Variants in SLC5A12 observed in about 807,000 individuals in gnomAD.
SLC5A12 encodes the protein solute carrier family 5 member 12, also known as sodium-coupled monocarboxylate transporter 2.
SLC5A12 carries 46 observed loss-of-function variants against 72.7 expected under a neutral mutation model. The observed-to-expected ratio is 0.63, with a 90% confidence interval of 0.50 to 0.81. The LOEUF (loss-of-function observed/expected upper bound fraction) is 0.81, where lower values mean the gene tolerates loss of function less well. Among genes scored for constraint, SLC5A12 ranks in the 30% least tolerant of loss-of-function variants. SLC5A12 has a pLI of 0.00. For missense variants in SLC5A12, 683 were observed against 740.7 expected, an observed-to-expected ratio of 0.92 and a Z score of 0.90; for synonymous variants, 275 against 264.4, an observed-to-expected ratio of 1.04 and a Z score of -0.39.
At chr11:26,714,260 ACATT>A (rs1013902196) in intron 1 of SLC5A12, among the ~76,000 whole-genome samples, 1 of 152,150 alleles carries the variant, frequency 6.6e-6, no homozygotes, top group Non-Finnish European at 1.5e-5. Context: ...TATCATTTAC[ACATT>A]CATTCATTCA....
Position 26,686,428 on chromosome 11 carries a change from G to T in SLC5A12, c.1221+49C>A, listed in dbSNP as rs148212977. On this transcript the variant is annotated intron_variant, in intron 10 of 14. Coordinates refer to ENST00000396005, the MANE Select transcript of SLC5A12 (RefSeq NM_178498.4). ...AAGAAGCAAGACATTAAAAGAGAGT[G>T]GGGGGAAGTTCCAGTGAAACCAAAT... The T allele has an allele frequency of 1.2e-3, 1,840 of 1,535,278 alleles. 2 individuals are homozygous for T. Among genetic ancestry groups the T allele is most frequent in the Non-Finnish European group, 1.2e-3 (1,361 of 1,108,906 alleles).
rs1854700137 is a variant in SLC5A12 at position 26,692,328 on chromosome 11, C to A, written c.1153+161G>T. The A allele has an allele frequency of 2.8e-5, 17 of 604,860 alleles. No individual in the cohort carries two copies. The South Asian group carries it at 3.3e-4, about 12-fold the overall frequency. 37.5% of individuals were successfully genotyped at this position (604,860 alleles called of 1,614,324 possible). On this transcript the variant is annotated intron_variant, in intron 9 of 14. Coordinates refer to ENST00000396005, the MANE Select transcript of SLC5A12 (RefSeq NM_178498.4). Reference sequence around the variant, plus strand: ...CTAGTCATTCTTTCCTGATACCCTGCTGGATCTTTGGAAGTGTAAGAATCT... The same window carrying A: ...CTAGTCATTCTTTCCTGATACCCTGATGGATCTTTGGAAGTGTAAGAATCT...
Position 26,692,322 on chromosome 11 carries a change from A to C in SLC5A12, c.1153+167T>G, listed in dbSNP as rs1475292254. The C allele has an allele frequency of 5.0e-6, 3 of 597,444 alleles. No individual in the cohort carries two copies. In the East Asian group the frequency reaches 8.5e-5, roughly 17 times the overall value. 37.0% of individuals were successfully genotyped at this position (597,444 alleles called of 1,614,324 possible). A position where few individuals can be genotyped will look rare whatever the true frequency, so the allele number is the denominator to read the frequency against. On this transcript the variant is annotated intron_variant, in intron 9 of 14. Transcript: ENST00000396005. ...AACTAGCTAGTCATTCTTTCCTGAT[A>C]CCCTGCTGGATCTTTGGAAGTGTAA...
At chr11:26,693,494 G>T (rs1377612986) in intron 8 of SLC5A12, among the ~76,000 whole-genome samples, 1 of 152,124 alleles carries the variant, frequency 6.6e-6, no homozygotes, top group South Asian at 2.1e-4. Context: ...CCTAAAACTT[G>T]CTTAGGTGAC....
chr11:26,698,341 A>G, intron 7 of SLC5A12, 65 bp downstream of exon 7: 1 of 1,574,084 alleles, frequency 6.4e-7, no homozygotes, highest in Non-Finnish European at 8.6e-7. Context: ...GGCCAAGATT[A>G]TCCACCAATA....
In SLC5A12 at chr11:26,708,589, T is replaced by C. The variant is rs145221839; in HGVS notation, c.525+723A>G. The stretch of plus-strand genomic sequence containing the variant: ...TTTATCTATAGTGAAGGAAAGATAA[T>C]TCAACTGTCTGGGAACCACTACCAT... On this transcript the variant is annotated intron_variant, in intron 4 of 14. Transcript: ENST00000396005. Among the ~76,000 whole-genome samples, 630 of 152,182 alleles carry C rather than the reference T, an allele frequency of 4.1e-3. 3 individuals carry two copies. The highest frequency in any genetic ancestry group is 7.1e-3 in the Non-Finnish European group (482 of 67,980).
At chr11:26,684,303 G>GGGTAAAGCCTTCCTTCTTACCCA (rs1443145555) in intron 10 of SLC5A12, among the ~76,000 whole-genome samples, 5 of 152,118 alleles carry the variant, frequency 3.3e-5, no homozygotes, top group Non-Finnish European at 7.3e-5. Flanking sequence ...AGGCAGATGA[G>GGGTAAAGCCTTCCTTCTTACCCA]GGTAAAGCCT....
At chr11:26,682,170 T>G (rs1158648267) in intron 11 of SLC5A12, among the ~76,000 whole-genome samples, 1 of 151,934 alleles carries the variant, frequency 6.6e-6, no homozygotes, top group East Asian at 1.9e-4. Context: ...GGCTGTGTTT[T>G]TAGTAAAATT....
chr11:26,677,971 AC>A (rs1419988614), intron 13 of SLC5A12, among the ~76,000 whole-genome samples: 2 of 152,108 alleles, frequency 1.3e-5, no homozygotes, highest in Non-Finnish European at 2.9e-5. Flanking sequence ...ACCACTACCA[AC>A]CCCTCATGGG....
At chr11:26,686,626 G>T in intron 9 of SLC5A12, 82 bp from the exon 10 acceptor site, 1 of 1,231,894 alleles carries the variant, frequency 8.1e-7, no homozygotes, top group South Asian at 1.3e-5. Context: ...ACTCAGAACT[G>T]TCTCTGATCC....
In SLC5A12 at chr11:26,668,681, T is replaced by C. The variant is rs1469337902; in HGVS notation, c.*2421A>G. 6.6e-6 allele frequency: 1 copy of C among 152,020 alleles called. No homozygotes were observed. Among genetic ancestry groups the C allele is most frequent in the African/African-American group, 2.4e-5 (1 of 41,416 alleles). The allele number at this position is 152,020 out of a possible 1,614,324, so 9.4% of individuals were successfully genotyped here. On this transcript the variant is annotated 3_prime_UTR_variant, in exon 15 of 15. Coordinates refer to ENST00000396005, the MANE Select transcript of SLC5A12 (RefSeq NM_178498.4). ...TGCTCTCTACCTGAAACCCTAGATT[T>C]ATGCATGTTTGTTCAATTAAGAAGA...
chr11:26,700,480 G>T (rs1246989484), intron 6 of SLC5A12, among the ~76,000 whole-genome samples: 1 of 146,782 alleles, frequency 6.8e-6, no homozygotes, highest in Non-Finnish European at 1.5e-5. Flanking sequence ...TTACATTTTG[G>T]GATTAGAAGC....
chr11:26,701,155 T>C (rs1854949126), intron 6 of SLC5A12, among the ~76,000 whole-genome samples: 1 of 152,068 alleles, frequency 6.6e-6, no homozygotes, highest in African/African-American at 2.4e-5. Context: ...CCCCTCACCA[T>C]TTTCTCACTA....
At chr11:26,702,453 T>C (rs1854979003) in intron 6 of SLC5A12, among the ~76,000 whole-genome samples, 1 of 152,198 alleles carries the variant, frequency 6.6e-6, no homozygotes, top group Non-Finnish European at 1.5e-5. Flanking sequence ...TCATAGTGAC[T>C]GTTTCTCCAA....
At chr11:26,701,573 G>A (rs912939686) in intron 6 of SLC5A12, among the ~76,000 whole-genome samples, 5 of 151,984 alleles carry the variant, frequency 3.3e-5, no homozygotes, top group Non-Finnish European at 7.4e-5. Context: ...ACTAAATCAG[G>A]TTTTAAGATT....
intron 1 of SLC5A12, among the ~76,000 whole-genome samples, chr11:26,720,890 A>G (rs1291911173): frequency 1.3e-5 from 2 of 152,204 alleles, no homozygotes; most frequent in Admixed American, 1.3e-4. Context: ...AATGCCCTCT[A>G]CTCTCTGACG....
intron 10 of SLC5A12, among the ~76,000 whole-genome samples, chr11:26,685,691 C>T (rs887454718): frequency 1.3e-5 from 2 of 152,060 alleles, no homozygotes; most frequent in East Asian, 3.9e-4. Flanking sequence ...TGAATATGTG[C>T]TTATCTGATG....
rs1187391597 is a variant in SLC5A12 at position 26,703,544 on chromosome 11, T to G, written c.808A>C (p.Lys270Gln). Residue 270 changes from lysine (K) to glutamine (Q), a missense_variant, in exon 6 of 15, where the codon AAG (lysine) becomes CAG (glutamine). Physicochemically the swap from Lys to Gln is moderately conservative, Grantham distance 53. Coordinates refer to ENST00000396005, the MANE Select transcript of SLC5A12 (RefSeq NM_178498.4). The part of the protein sequence containing the change: ...IQRCISCKTE[K>Q]HAKLALYFNL... ...CTGAGAACTTACAGCTTAGCATGCT[T>G]TTCTGTTTTGCAAGAGATGCATCGC... 2 of 1,613,642 alleles carry G rather than the reference T, an allele frequency of 1.2e-6. No homozygotes were observed. Among genetic ancestry groups the G allele is most frequent in the Admixed American group, 1.7e-5 (1 of 59,976 alleles).
chr11:26,670,374 TAGAA>T lies in SLC5A12; in HGVS notation c.*724_*727del, dbSNP rs1456979338. 2 of 152,086 alleles carry T rather than the reference TAGAA, an allele frequency of 1.3e-5. No individual in the cohort carries two copies. The highest frequency in any genetic ancestry group is 2.9e-5 in the Non-Finnish European group (2 of 68,016). 9.4% of individuals were successfully genotyped at this position (152,086 alleles called of 1,614,324 possible). ...GAGGCAATTTTTCATTGTAAAGTGA[TAGAA>T]AGGAAGAAGACATACTGCATGGACA... On this transcript the variant is annotated 3_prime_UTR_variant, in exon 15 of 15. Coordinates refer to ENST00000396005, the MANE Select transcript of SLC5A12 (RefSeq NM_178498.4).
Sources: allele counts gnomAD v4.1 joint callset (sites outside exome capture counted in the v4.1 genomes callset), GRCh38; gene constraint gnomAD v4.1.1; transcripts MANE v1.5; gene names NCBI Gene and HGNC (gene_info 2026-07-23, HGNC 2026-07-21).